CCDC30: variants seen among roughly 807,000 people sequenced by gnomAD.
CCDC30 encodes coiled-coil domain-containing protein 30.
A neutral mutation model predicts 100.2 loss-of-function variants in CCDC30; 70 were observed. The observed-to-expected ratio is 0.70, with a 90% CI of 0.58 to 0.85. The LOEUF (loss-of-function observed/expected upper bound fraction) is 0.85, where lower values mean the gene tolerates loss of function less well. Among genes scored for constraint, CCDC30 ranks in the 40% least tolerant of loss-of-function variants. The probability of loss-of-function intolerance (pLI) is 0.00; values close to 1 mark genes in which losing one functional copy is unlikely to be tolerated. For synonymous variants in CCDC30, 233 were observed against 269.5 expected, an observed-to-expected ratio of 0.86 and a Z score of 1.33; for missense variants, 652 against 771.2, an observed-to-expected ratio of 0.85 and a Z score of 1.83.
chr1:42,527,948 C>T (rs1354444712), intron 6 of CCDC30, among the ~76,000 whole-genome samples: 1 of 152,062 alleles, frequency 6.6e-6, no homozygotes, highest in East Asian at 1.9e-4. Context: ...TCACTGGAAC[C>T]TCTGCCTCCC....
intron 6 of CCDC30, among the ~76,000 whole-genome samples, chr1:42,526,727 T>C (rs1014114500): frequency 7.2e-5 from 11 of 152,206 alleles, no homozygotes; most frequent in Admixed American, 6.5e-4. Context: ...AGTACAGTTT[T>C]CCTGGGGTGC....
intron 8 of CCDC30, chr1:42,581,096 C>A (rs978429706): frequency 5.2e-5 from 20 of 383,736 alleles, no homozygotes; most frequent in South Asian, 3.2e-4. Flanking sequence ...CCAGCTCAGC[C>A]TCCCACAGTT....
At chr1:42,628,407 G>A (rs1191125857) in intron 11 of CCDC30, among the ~76,000 whole-genome samples, 1 of 152,168 alleles carries the variant, frequency 6.6e-6, no homozygotes, top group East Asian at 1.9e-4. Flanking sequence ...TGAAATGAAT[G>A]AAGACTTTTG....
chr1:42,642,314 G>GTGAA (rs1247239419), intron 12 of CCDC30, among the ~76,000 whole-genome samples, 159 bp from the exon 17 acceptor site: 1 of 151,780 alleles, frequency 6.6e-6, no homozygotes, highest in African/African-American at 2.4e-5. Flanking sequence ...TTTAGCTACA[G>GTGAA]TGAATGACAA....
At chr1:42,569,951 G>A (rs577846610) in intron 7 of CCDC30, among the ~76,000 whole-genome samples, 4 of 152,172 alleles carry the variant, frequency 2.6e-5, no homozygotes, top group African/African-American at 9.6e-5. Context: ...ACAGGGAGCG[G>A]AACATTACAC....
chr1:42,480,120 T>C (rs1013750829), intron 1 of CCDC30, among the ~76,000 whole-genome samples: 1 of 152,176 alleles, frequency 6.6e-6, no homozygotes, highest in African/African-American at 2.4e-5. Flanking sequence ...TCTCACACCA[T>C]ATATAAAAAT....
At chr1:42,472,256 G>GA (rs1038029303) in intron 1 of CCDC30, among the ~76,000 whole-genome samples, 25 of 150,046 alleles carry the variant, frequency 1.7e-4, no homozygotes, top group African/African-American at 4.1e-4. Flanking sequence ...CCATCTCAAA[G>GA]AAAAAAAAAT....
chr1:42,587,185 T>C (rs2762693), intron 9 of CCDC30, among the ~76,000 whole-genome samples: 91,355 of 151,954 alleles, frequency 0.6, 27,933 homozygotes, highest in East Asian at 0.81. Flanking sequence ...TTTATACAGA[T>C]GAGTTCTCAC....
intron 14 of CCDC30, among the ~76,000 whole-genome samples, chr1:42,645,403 A>G (rs1393839524): frequency 6.6e-6 from 1 of 151,980 alleles, no homozygotes; most frequent in African/African-American, 2.4e-5. Flanking sequence ...CAAGTGGCCA[A>G]ATACAGAGAG....
At chr1:42,498,869 G>A in exon 6 of CCDC30, 4 of 1,234,064 alleles carry the variant, frequency 3.2e-6, no homozygotes, top group Non-Finnish European at 4.0e-6. Context: ...TAAGCAACTT[G>A]GAAACCACTC....
chr1:42,656,428 C>A (rs1368850069), downstream of CCDC30, among the ~76,000 whole-genome samples: 13 of 152,118 alleles, frequency 8.5e-5, no homozygotes, highest in African/African-American at 3.1e-4. Context: ...GCCAGGAGTT[C>A]AAGACCAGCC....
chr1:42,562,241 G>A (rs1378672792), intron 6 of CCDC30, among the ~76,000 whole-genome samples: 1 of 152,034 alleles, frequency 6.6e-6, no homozygotes, highest in Admixed American at 6.6e-5. Flanking sequence ...CAGCATGGTA[G>A]TGGTACCAAA....
intron 9 of CCDC30, 25 bp downstream of exon 13, chr1:42,581,539 T>G (rs1570140366): frequency 1.9e-6 from 3 of 1,598,170 alleles, no homozygotes; most frequent in East Asian, 4.5e-5. Flanking sequence ...GATCTCAGTT[T>G]CCTGTGGGTT....
At chr1:42,636,901 G>A (rs1354275258) in intron 11 of CCDC30, among the ~76,000 whole-genome samples, 3 of 140,496 alleles carry the variant, frequency 2.1e-5, no homozygotes, top group Non-Finnish European at 4.5e-5. Flanking sequence ...AGGAGGTGGA[G>A]GTTGCAGTGA....
intron 10 of CCDC30, among the ~76,000 whole-genome samples, chr1:42,599,859 G>C (rs1421399980): frequency 1.3e-5 from 2 of 152,190 alleles, no homozygotes; most frequent in African/African-American, 4.8e-5. Context: ...AATCTATAAA[G>C]AAAAGAGATT....
upstream of CCDC30, among the ~76,000 whole-genome samples, chr1:42,459,052 G>C (rs1643324670): frequency 1.3e-5 from 2 of 152,078 alleles, no homozygotes; most frequent in Admixed American, 6.5e-5. Context: ...ATGGTGGTAA[G>C]GTTGGCAGAG....
intron 6 of CCDC30, among the ~76,000 whole-genome samples, chr1:42,510,576 G>C (rs1367295683): frequency 1.3e-5 from 2 of 151,624 alleles, no homozygotes; most frequent in East Asian, 1.9e-4. Context: ...AGAATCACTT[G>C]AACCTGGGAA....
intron 10 of CCDC30, among the ~76,000 whole-genome samples, chr1:42,603,779 T>C (rs1413421126): frequency 6.6e-6 from 1 of 152,218 alleles, no homozygotes; most frequent in Non-Finnish European, 1.5e-5. Flanking sequence ...TCCTTGGTAT[T>C]TACCCAAAGG....
rs569882454 is a variant in CCDC30 at position 42,498,781 on chromosome 1, T to C, written c.358-37T>C. On this transcript the variant is annotated intron_variant, in intron 5 of 16. Transcript: ENST00000668663. ...AAACAATAATTTATCCAAACAAAAATTGAGAAGTCTACAAGGTGTTTACTT... is the reference window on the plus strand; with the variant it reads ...AAACAATAATTTATCCAAACAAAAACTGAGAAGTCTACAAGGTGTTTACTT... 9.0e-4 allele frequency: 927 copies of C among 1,029,128 alleles called. 1 individual carries two copies. The highest frequency in any genetic ancestry group is 1.0e-3 in the Non-Finnish European group (830 of 800,830). 63.7% of individuals were successfully genotyped at this position (1,029,128 alleles called of 1,614,324 possible).
Sources: gnomAD v4.1 joint callset for allele counts (sites outside exome capture counted in the v4.1 genomes callset) on GRCh38, gnomAD v4.1.1 for gene constraint, MANE v1.5 for transcripts, NCBI Gene and HGNC (gene_info 2026-07-23, HGNC 2026-07-21) for gene names.